The following DLGAP1 variants were observed in gnomAD, a reference collection of about 807,000 sequenced individuals.
DLGAP1 encodes the protein DLG associated protein 1.
In DLGAP1, 11 loss-of-function variants were observed where a neutral mutation model predicts 90.8. The ratio of observed to expected loss-of-function variants is 0.12; its 90% CI spans 0.08 to 0.20. The LOEUF (loss-of-function observed/expected upper bound fraction) is 0.20, where lower values mean the gene tolerates loss of function less well. DLGAP1 is among the 10% of genes least tolerant of loss of function. The pLI, the probability that DLGAP1 is intolerant of heterozygous loss-of-function variation, is 1.00. For synonymous variants in DLGAP1, 558 were observed against 540.7 expected (o/e 1.03, Z -0.44); for missense variants, 1,050 against 1,333.8 (o/e 0.79, Z 3.31).
chr18:4,426,230 C>A (rs1158631957), intron 1 of DLGAP1, among the ~76,000 whole-genome samples: 1 of 152,200 alleles, frequency 6.6e-6, no homozygotes, highest in Non-Finnish European at 1.5e-5. Context: ...ACCCCCATCT[C>A]CACACCCTTA....
At chr18:4,407,106 C>A (rs1230721252) in intron 1 of DLGAP1, among the ~76,000 whole-genome samples, 1 of 152,126 alleles carries the variant, frequency 6.6e-6, no homozygotes. Flanking sequence ...CCATGCAATT[C>A]TAGCCACAAA....
intron 1 of DLGAP1, among the ~76,000 whole-genome samples, chr18:4,266,738 C>T (rs1327766820): frequency 6.6e-6 from 1 of 152,168 alleles, no homozygotes; most frequent in Non-Finnish European, 1.5e-5. Flanking sequence ...CAGATGATTA[C>T]ATACATCCAT....
At chr18:3,601,164 G>T (rs1219647526) in intron 7 of DLGAP1, among the ~76,000 whole-genome samples, 1 of 151,752 alleles carries the variant, frequency 6.6e-6, no homozygotes, top group Non-Finnish European at 1.5e-5. Flanking sequence ...TCAGCTCACT[G>T]CAACCTCCAC....
rs148058294 is a variant in DLGAP1 at position 3,679,998 on chromosome 18, C to T, written c.1591+49137G>A. On this transcript the variant is annotated intron_variant, in intron 7 of 12. Coordinates refer to ENST00000315677, the MANE Select transcript of DLGAP1 (RefSeq NM_004746.4). ...ACCATGCCCAGCCATGGGTTTCTTA[C>T]TAGGTGGTGGAGCTATTTCCCACGA... The T allele has an allele frequency of 9.6e-3, 1,454 of 152,054 alleles. 6 individuals are homozygous for T. The highest frequency in any genetic ancestry group is 0.015 in the Non-Finnish European group (1,014 of 68,010). 9.4% of individuals were successfully genotyped at this position (152,054 alleles called of 1,614,324 possible). A position where few individuals can be genotyped will look rare whatever the true frequency, so the allele number is the denominator to read the frequency against.
intron 2 of DLGAP1, among the ~76,000 whole-genome samples, chr18:4,056,497 C>T (rs771042028): frequency 2.1e-4 from 32 of 152,280 alleles, no homozygotes; most frequent in Middle Eastern, 3.4e-3. Context: ...GGCTACAACA[C>T]ATGGTTTTTA....
At chr18:4,261,677 A>T (rs1471801561) in intron 1 of DLGAP1, among the ~76,000 whole-genome samples, 1 of 152,152 alleles carries the variant, frequency 6.6e-6, no homozygotes, top group African/African-American at 2.4e-5. Context: ...TCTGTGTATG[A>T]CTGTCTTCCG....
At chr18:4,063,536 T>C (rs371920459) in intron 2 of DLGAP1, among the ~76,000 whole-genome samples, 1 of 152,254 alleles carries the variant, frequency 6.6e-6, no homozygotes, top group East Asian at 1.9e-4. Flanking sequence ...CTGTCTTAAG[T>C]GGGGCAAATT....
intron 6 of DLGAP1, among the ~76,000 whole-genome samples, chr18:3,734,728 AT>A (rs1300139275): frequency 6.6e-6 from 1 of 151,910 alleles, no homozygotes; most frequent in Non-Finnish European, 1.5e-5. Context: ...TTCTCTGATT[AT>A]TTTTATTTAT....
chr18:4,342,283 C>T lies in DLGAP1; in HGVS notation c.-267+112723G>A, dbSNP rs542745420. Among the ~76,000 whole-genome samples the T allele has an allele frequency of 3.0e-4, 46 of 151,480 alleles. No homozygotes were observed. The highest frequency in any genetic ancestry group is 3.2e-4 in the African/African-American group (13 of 41,172). ...ATTCTGCTTGCATTTTAATGGTAGG[C>T]GAGGATTTTTTATATTAGATGTTAC... is the stretch of plus-strand genomic sequence containing the variant. On this transcript the variant is annotated intron_variant, in intron 1 of 12. Transcript: ENST00000315677. The surrounding 1 kb of genome is among the most constrained non-coding windows in gnomAD (Gnocchi z 5.8).
At chr18:3,800,506 C>A (rs1222104546) in intron 5 of DLGAP1, among the ~76,000 whole-genome samples, 2 of 152,032 alleles carry the variant, frequency 1.3e-5, no homozygotes, top group African/African-American at 4.8e-5. Context: ...TGTTTAAGAC[C>A]TAATTTCAAG....
chr18:3,880,466 C>G (rs2148826916), intron 3 of DLGAP1, among the ~76,000 whole-genome samples: 1 of 152,210 alleles, frequency 6.6e-6, no homozygotes, highest in African/African-American at 2.4e-5. Flanking sequence ...GCGTGAGCAA[C>G]CCTGCAGGCC....
intron 1 of DLGAP1, among the ~76,000 whole-genome samples, chr18:4,163,217 C>T (rs904856053): frequency 1.3e-5 from 2 of 152,042 alleles, no homozygotes; most frequent in Non-Finnish European, 1.5e-5. Flanking sequence ...ATACATATAC[C>T]CACTCTTCAG....
At chr18:4,338,269 A>G (rs770438432) in intron 1 of DLGAP1, among the ~76,000 whole-genome samples, 2 of 152,200 alleles carry the variant, frequency 1.3e-5, no homozygotes, top group African/African-American at 4.8e-5. Flanking sequence ...CAGTTTTATC[A>G]GCTGGAATGT....
intron 6 of DLGAP1, among the ~76,000 whole-genome samples, chr18:3,741,784 C>T (rs2063059697): frequency 2.6e-5 from 4 of 152,110 alleles, no homozygotes; most frequent in Admixed American, 2.6e-4. Context: ...ATTAGTTATC[C>T]TATGTCAAAG....
At chr18:4,053,689 G>A (rs1412497857) in intron 2 of DLGAP1, among the ~76,000 whole-genome samples, 2 of 152,006 alleles carry the variant, frequency 1.3e-5, no homozygotes, top group Non-Finnish European at 2.9e-5. Flanking sequence ...TCCCAGCCAC[G>A]TTTCCTGTAC....
intron 4 of DLGAP1, among the ~76,000 whole-genome samples, chr18:3,870,989 C>T (rs1276091458): frequency 6.6e-6 from 1 of 152,208 alleles, no homozygotes; most frequent in Non-Finnish European, 1.5e-5. Flanking sequence ...TGTTGAGTCA[C>T]AAACTTGCTT....
rs1471350927 is a variant in DLGAP1 at position 4,454,071 on chromosome 18, G to C, written c.-267+935C>G. 6.6e-6 allele frequency among the ~76,000 whole-genome samples: 1 copy of C among 152,194 alleles called. No homozygotes were observed. The highest frequency in any genetic ancestry group is 1.5e-5 in the Non-Finnish European group (1 of 68,034). The stretch of plus-strand genomic sequence containing the variant: ...TCTCCGGCGCCGGCAGCCGAGCCAC[G>C]GGCCACCCCTTCCCACGGCCTCCCG... On this transcript the variant is annotated intron_variant, in intron 1 of 12. Coordinates refer to ENST00000315677, the MANE Select transcript of DLGAP1 (RefSeq NM_004746.4). The surrounding 1 kb of genome is among the most constrained non-coding windows in gnomAD (Gnocchi z 4.7).
chr18:4,440,120 C>CAA (rs35152199), intron 1 of DLGAP1, among the ~76,000 whole-genome samples: 1,690 of 49,176 alleles, frequency 0.034, 63 homozygotes, highest in African/African-American at 0.039. Context: ...ACTCCGTCAC[C>CAA]AAAAAAAAAA....
At chr18:4,400,218 G>T (rs2082525921) in intron 1 of DLGAP1, among the ~76,000 whole-genome samples, 1 of 152,210 alleles carries the variant, frequency 6.6e-6, no homozygotes, top group Non-Finnish European at 1.5e-5. Context: ...TGGCGTTGGT[G>T]TTCCCTTTAG....
Sources: allele counts gnomAD v4.1 joint callset (sites outside exome capture counted in the v4.1 genomes callset), GRCh38; gene constraint gnomAD v4.1.1; non-coding constraint Gnocchi (gnomAD v3.1); transcripts MANE v1.5; gene names NCBI Gene and HGNC (gene_info 2026-07-23, HGNC 2026-07-21).